NKAIN2: variants seen among roughly 807,000 people sequenced by gnomAD.
The protein encoded by NKAIN2 is sodium/potassium-transporting ATPase subunit beta-1-interacting protein 2.
Under a neutral mutation model 32.6 loss-of-function variants are expected in NKAIN2, and 14 were observed. That is an observed-to-expected ratio of 0.43 (90% CI 0.28 to 0.67). The LOEUF (loss-of-function observed/expected upper bound fraction) is 0.67. Ranked by LOEUF, NKAIN2 falls within the 30% of genes least tolerant of loss-of-function variation. The pLI is 0.17. For missense variants in NKAIN2, 198 were observed against 258.3 expected (o/e 0.77, Z 1.60); for synonymous variants, 80 against 87.2 (o/e 0.92, Z 0.46).
chr6:124,003,706 A>G (rs1745127913), intron 1 of NKAIN2, among the ~76,000 whole-genome samples: 2 of 152,118 alleles, frequency 1.3e-5, no homozygotes, highest in Admixed American at 1.3e-4. Flanking sequence ...AGTTGCCTGT[A>G]ACCACTGCCT....
intron 1 of NKAIN2, among the ~76,000 whole-genome samples, chr6:123,981,905 G>A (rs1778916588): frequency 6.6e-6 from 1 of 152,120 alleles, no homozygotes; most frequent in Non-Finnish European, 1.5e-5. Context: ...TACTAGGTTA[G>A]TATTTAATGA....
At chr6:124,411,322 G>T (rs1324074472) in intron 3 of NKAIN2, among the ~76,000 whole-genome samples, 2 of 144,982 alleles carry the variant, frequency 1.4e-5, no homozygotes, top group Non-Finnish European at 3.1e-5. Context: ...GCTGGTACCG[G>T]TTGTTCCTTT....
At chr6:124,052,427 C>T (rs1001658569) in intron 1 of NKAIN2, among the ~76,000 whole-genome samples, 3 of 151,980 alleles carry the variant, frequency 2.0e-5, no homozygotes, top group Non-Finnish European at 2.9e-5. Flanking sequence ...TTTCACTAAC[C>T]TCTTCCTGAT....
At chr6:124,529,661 T>C (rs960534759) in intron 3 of NKAIN2, among the ~76,000 whole-genome samples, 1 of 152,028 alleles carries the variant, frequency 6.6e-6, no homozygotes, top group Non-Finnish European at 1.5e-5. Context: ...AGAAGGTGGT[T>C]CCCAAGAGGG....
At chr6:123,846,844 G>GCACA (rs34106417) in intron 1 of NKAIN2, among the ~76,000 whole-genome samples, 40,791 of 150,636 alleles carry the variant, frequency 0.27, 6,674 homozygotes, top group Admixed American at 0.4. Flanking sequence ...ACGCACGCGC[G>GCACA]CACACACACA....
At chr6:124,451,281 A>G (rs1366702696) in intron 3 of NKAIN2, among the ~76,000 whole-genome samples, 2 of 152,192 alleles carry the variant, frequency 1.3e-5, no homozygotes, top group Non-Finnish European at 1.5e-5. Flanking sequence ...AGATTTTTAA[A>G]ACACAACATT....
intron 1 of NKAIN2, among the ~76,000 whole-genome samples, chr6:123,903,865 G>GT (rs1774725151): frequency 6.6e-6 from 1 of 151,390 alleles, no homozygotes; most frequent in Admixed American, 6.6e-5. Flanking sequence ...GGCAGCTGTT[G>GT]TTTTTACCAT....
chr6:124,311,713 A>G (rs1371842969), intron 2 of NKAIN2, among the ~76,000 whole-genome samples: 2 of 152,136 alleles, frequency 1.3e-5, no homozygotes, highest in African/African-American at 4.8e-5. Flanking sequence ...CCCATTCTTA[A>G]TTGGTATCGT....
At chr6:124,326,896 A>C (rs1797440477) in intron 2 of NKAIN2, among the ~76,000 whole-genome samples, 1 of 152,072 alleles carries the variant, frequency 6.6e-6, no homozygotes, top group Admixed American at 6.6e-5. Context: ...AGCTCCCCTT[A>C]GTGACCTTAG....
At chr6:124,526,854 T>C (rs1779335836) in intron 3 of NKAIN2, among the ~76,000 whole-genome samples, 1 of 152,108 alleles carries the variant, frequency 6.6e-6, no homozygotes, top group Non-Finnish European at 1.5e-5. Context: ...TGTGATGAGT[T>C]TATATGTTAA....
intron 1 of NKAIN2, among the ~76,000 whole-genome samples, chr6:123,941,180 G>A (rs1292807888): frequency 6.6e-6 from 1 of 151,750 alleles, no homozygotes; most frequent in African/African-American, 2.4e-5. Flanking sequence ...GTCTTCAGGG[G>A]CAATAACATG....
intron 1 of NKAIN2, among the ~76,000 whole-genome samples, chr6:123,841,764 A>G (rs1774881832): frequency 6.6e-6 from 1 of 152,164 alleles, no homozygotes; most frequent in Non-Finnish European, 1.5e-5. Context: ...AATCATTTTC[A>G]TCAGCAAAAG....
intron 1 of NKAIN2, among the ~76,000 whole-genome samples, 171 bp from the exon 2 acceptor site, chr6:124,282,834 T>C (rs1795364731): frequency 6.6e-6 from 1 of 152,204 alleles, no homozygotes; most frequent in Non-Finnish European, 1.5e-5. Flanking sequence ...TCCATAGTGT[T>C]CCTTTGAAAT....
At chr6:123,855,471 A>T (rs1365253689) in intron 1 of NKAIN2, among the ~76,000 whole-genome samples, 1 of 149,810 alleles carries the variant, frequency 6.7e-6, no homozygotes, top group African/African-American at 2.4e-5. Context: ...GATTATTGCA[A>T]ATTGACCCAG....
chr6:123,955,786 T>G (rs1410930331), intron 1 of NKAIN2, among the ~76,000 whole-genome samples: 1 of 151,864 alleles, frequency 6.6e-6, no homozygotes, highest in African/African-American at 2.4e-5. Context: ...CCATCACACC[T>G]GAATAACTTA....
intron 3 of NKAIN2, among the ~76,000 whole-genome samples, chr6:124,541,727 C>T (rs1194741055): frequency 6.6e-6 from 1 of 152,124 alleles, no homozygotes; most frequent in Non-Finnish European, 1.5e-5. Flanking sequence ...AGAGAGACCC[C>T]AGTTAGCAGT....
intron 3 of NKAIN2, among the ~76,000 whole-genome samples, chr6:124,454,331 C>T (rs1045127073): frequency 3.9e-4 from 59 of 151,964 alleles, no homozygotes; most frequent in African/African-American, 1.4e-3. Flanking sequence ...ATAAATATGA[C>T]AGTAACATAA....
intron 3 of NKAIN2, among the ~76,000 whole-genome samples, chr6:124,623,179 A>G (rs1257348488): frequency 6.6e-6 from 1 of 152,174 alleles, no homozygotes; most frequent in African/African-American, 2.4e-5. Flanking sequence ...TTGGGGAGGC[A>G]TCATTCAACC....
At chr6:124,535,867 C>T (rs1228114625) in intron 3 of NKAIN2, among the ~76,000 whole-genome samples, 1 of 152,186 alleles carries the variant, frequency 6.6e-6, no homozygotes, top group East Asian at 1.9e-4. Context: ...CCTGTGAATT[C>T]CCTCCCTTCC....
Sources: gnomAD v4.1 joint callset for allele counts (sites outside exome capture counted in the v4.1 genomes callset) on GRCh38, gnomAD v4.1.1 for gene constraint, MANE v1.5 for transcripts, NCBI Gene and HGNC (gene_info 2026-07-23, HGNC 2026-07-21) for gene names.